Variants in IQUB observed in about 807,000 individuals in gnomAD.
IQUB encodes the protein IQ motif and ubiquitin domain containing.
In IQUB, 86 loss-of-function variants were observed where a neutral mutation model predicts 86.4. The observed-to-expected ratio is 1.00, with a 90% CI of 0.84 to 1.19. The LOEUF is 1.19. Ranked by LOEUF, IQUB falls within the 50% of genes most tolerant of loss-of-function variation. The pLI is 0.00. For synonymous variants in IQUB, 289 were observed against 304.5 expected (o/e 0.95, Z 0.53); for missense variants, 946 against 916.9 (o/e 1.03, Z -0.41).
intron 3 of IQUB, 144 bp from the exon 4 acceptor site, chr7:123,503,507 C>A (rs1796044763): frequency 1.8e-6 from 1 of 543,552 alleles, no homozygotes; most frequent in Non-Finnish European, 3.2e-6. Context: ...TGTGAAGTAG[C>A]TTAATACAGC....
chr7:123,496,940 TATC>T (rs748051124), intron 6 of IQUB, 34 bp from the exon 7 acceptor site: 20 of 1,392,306 alleles, frequency 1.4e-5, no homozygotes, highest in African/African-American at 1.3e-4. Flanking sequence ...AGAAAGTGCC[TATC>T]ATCAACTTTT....
At position 123,458,287 on chromosome 7, in the gene IQUB, G is replaced by A. The variant is rs547119187; in HGVS notation, c.2008-721C>T. Among the ~76,000 whole-genome samples the A allele has an allele frequency of 2.6e-5, 4 of 151,870 alleles. No individual in the cohort carries two copies. The South Asian group carries it at 6.2e-4, about 24-fold the overall frequency. On this transcript the variant is annotated intron_variant, in intron 11 of 12. Coordinates refer to ENST00000324698, the MANE Select transcript of IQUB (RefSeq NM_178827.5). ...TTATAAATTTAGAATTGCCAGAGAC[G>A]GACAAACTCAACAAAGTATAAGCAT...
intron 1 of IQUB, among the ~76,000 whole-genome samples, chr7:123,516,200 G>A (rs1338195529): frequency 3.3e-5 from 5 of 152,094 alleles, no homozygotes; most frequent in African/African-American, 4.8e-5. Flanking sequence ...GAAAATCGAC[G>A]AGGCAGGGAA....
At chr7:123,506,637 G>A (rs1461094120) in intron 3 of IQUB, among the ~76,000 whole-genome samples, 1 of 151,918 alleles carries the variant, frequency 6.6e-6, no homozygotes, top group Non-Finnish European at 1.5e-5. Flanking sequence ...AACAACAAGG[G>A]GGAAATCTGC....
At chr7:123,458,728 T>TG (rs1310746710) in intron 11 of IQUB, among the ~76,000 whole-genome samples, 2 of 152,104 alleles carry the variant, frequency 1.3e-5, no homozygotes, top group Admixed American at 6.6e-5. Context: ...TGCACATAAG[T>TG]GTGGTTGACA....
At chr7:123,456,205 C>T (rs1452481470) in intron 12 of IQUB, among the ~76,000 whole-genome samples, 3 of 152,026 alleles carry the variant, frequency 2.0e-5, no homozygotes, top group Non-Finnish European at 4.4e-5. Flanking sequence ...GTGAATAGAA[C>T]ATTTAATTTG....
At chr7:123,531,284 C>T (rs1179127209) in intron 1 of IQUB, among the ~76,000 whole-genome samples, 5 of 152,064 alleles carry the variant, frequency 3.3e-5, no homozygotes, top group African/African-American at 1.2e-4. Context: ...ATAGTAAATA[C>T]ATCCCATAAA....
chr7:123,515,389 G>C (rs1160876006), intron 1 of IQUB, among the ~76,000 whole-genome samples: 1 of 151,978 alleles, frequency 6.6e-6, no homozygotes. Flanking sequence ...TCTGATAAAG[G>C]ACTTATATTC....
chr7:123,479,291 A>G (rs925609128), intron 8 of IQUB, among the ~76,000 whole-genome samples: 2 of 152,048 alleles, frequency 1.3e-5, no homozygotes, highest in African/African-American at 2.4e-5. Flanking sequence ...TTCCTTAATT[A>G]TATGTTTTCA....
At position 123,477,054 on chromosome 7, in the gene IQUB, C is replaced by T. The variant is rs1409595328; in HGVS notation, c.1410+2741G>A. Among the ~76,000 whole-genome samples, 3 of 152,120 alleles carry T rather than the reference C, an allele frequency of 2.0e-5. No homozygotes were observed. In the East Asian group the frequency reaches 5.8e-4, roughly 29 times the overall value. On this transcript the variant is annotated intron_variant, in intron 8 of 12. Transcript: ENST00000324698. ...TTCAATGCCATCCCCATCAAGCTAC[C>T]AATGACTTTCTTCACAGAATTGGAA...
intron 7 of IQUB, among the ~76,000 whole-genome samples, chr7:123,480,728 T>C (rs1045454574): frequency 5.9e-5 from 9 of 151,960 alleles, no homozygotes; most frequent in African/African-American, 2.2e-4. Flanking sequence ...ATTTCAGTCA[T>C]TTCCTTCATT....
intron 1 of IQUB, among the ~76,000 whole-genome samples, chr7:123,530,932 C>A (rs1301579275): frequency 1.3e-5 from 2 of 152,080 alleles, no homozygotes; most frequent in Admixed American, 6.5e-5. Flanking sequence ...CCGCCTCGGC[C>A]ACCCAAAATG....
chr7:123,482,204 A>G (rs1795041765), intron 7 of IQUB, among the ~76,000 whole-genome samples: 1 of 152,094 alleles, frequency 6.6e-6, no homozygotes, highest in Admixed American at 6.6e-5. Flanking sequence ...TCTATCAATT[A>G]TAAACACAAT....
intron 7 of IQUB, among the ~76,000 whole-genome samples, chr7:123,484,512 TG>T (rs1795138115): frequency 6.6e-6 from 1 of 152,040 alleles, no homozygotes; most frequent in Non-Finnish European, 1.5e-5. Flanking sequence ...ACTGCAAAAG[TG>T]AATAAAAATG....
chr7:123,476,151 AAG>A (rs138416998), intron 8 of IQUB, among the ~76,000 whole-genome samples: 2,429 of 152,278 alleles, frequency 0.016, 61 homozygotes, highest in African/African-American at 0.055. Flanking sequence ...CTTTCCTTTA[AAG>A]GTTCAAAATC....
chr7:123,453,807 A>T (rs1188560974), intron 12 of IQUB, among the ~76,000 whole-genome samples: 4 of 152,180 alleles, frequency 2.6e-5, no homozygotes, highest in Non-Finnish European at 2.9e-5. Context: ...TGAGACAACA[A>T]AAAGTTATAT....
At chr7:123,472,141 G>A (rs1794549706) in intron 8 of IQUB, among the ~76,000 whole-genome samples, 1 of 151,856 alleles carries the variant, frequency 6.6e-6, no homozygotes. Flanking sequence ...GTGAGGCTGA[G>A]GCAGGAGAAT....
intron 1 of IQUB, among the ~76,000 whole-genome samples, chr7:123,524,167 G>A (rs1206541417): frequency 6.1e-5 from 9 of 147,548 alleles, no homozygotes; most frequent in South Asian, 2.1e-4. Flanking sequence ...TTTTGGCTTA[G>A]GATTGACTTG....
chr7:123,494,506 C>A (rs567438056), intron 7 of IQUB, among the ~76,000 whole-genome samples: 8 of 151,996 alleles, frequency 5.3e-5, no homozygotes, highest in African/African-American at 1.7e-4. Flanking sequence ...ATTATTATTC[C>A]AAGGCTTTTA....
Sources: gnomAD v4.1 joint callset for allele counts (sites outside exome capture counted in the v4.1 genomes callset) on GRCh38, gnomAD v4.1.1 for gene constraint, MANE v1.5 for transcripts, NCBI Gene and HGNC (gene_info 2026-07-23, HGNC 2026-07-21) for gene names.